Variants in ITGA1 observed in about 807,000 individuals in gnomAD.
The protein encoded by ITGA1 is integrin alpha-1.
ITGA1 carries 85 observed loss-of-function variants against 145.9 expected under a neutral mutation model. The observed-to-expected ratio is 0.58, with a 90% CI of 0.49 to 0.70. The LOEUF is 0.70. Among genes scored for constraint, ITGA1 ranks in the 30% least tolerant of loss-of-function variants. The pLI is 0.00. For synonymous variants in ITGA1, 520 were observed against 495.3 expected, an observed-to-expected ratio of 1.05 and a Z score of -0.66; for missense variants, 1,351 against 1,418.7, an observed-to-expected ratio of 0.95 and a Z score of 0.77.
chr5:52,791,210 G>A (rs781552973), intron 1 of ITGA1, among the ~76,000 whole-genome samples: 4 of 152,148 alleles, frequency 2.6e-5, no homozygotes, highest in Admixed American at 6.5e-5. Context: ...TTTAACTGAA[G>A]ACAGTTTCAT....
intron 1 of ITGA1, among the ~76,000 whole-genome samples, chr5:52,822,168 G>A (rs1361539179): frequency 2.0e-5 from 3 of 152,142 alleles, no homozygotes; most frequent in Non-Finnish European, 4.4e-5. Context: ...GTGTTCATAT[G>A]TGGAATTTTA....
chr5:52,838,224 C>T (rs1315654793), intron 1 of ITGA1, among the ~76,000 whole-genome samples: 2 of 152,086 alleles, frequency 1.3e-5, no homozygotes, highest in Non-Finnish European at 2.9e-5. Flanking sequence ...AGAAATTATA[C>T]AGAATCATTT....
intron 1 of ITGA1, among the ~76,000 whole-genome samples, chr5:52,794,747 C>G (rs1330571802): frequency 6.6e-6 from 1 of 151,838 alleles, no homozygotes; most frequent in African/African-American, 2.4e-5. Flanking sequence ...ATCCACTTAG[C>G]TTTGCTGGTG....
At chr5:52,855,441 C>G (rs1314365986) in intron 2 of ITGA1, among the ~76,000 whole-genome samples, 1 of 152,104 alleles carries the variant, frequency 6.6e-6, no homozygotes, top group African/African-American at 2.4e-5. Context: ...TTGACACAGT[C>G]GTTAATTCAT....
At chr5:52,800,490 C>T (rs1580027827) in intron 1 of ITGA1, 29 of 1,614,084 alleles carry the variant, frequency 1.8e-5, no homozygotes, top group Non-Finnish European at 2.5e-5. Context: ...CTTACAACCT[C>T]GTGCAGGTGG....
rs765668332 is a variant in ITGA1 at position 52,937,374 on chromosome 5, G to T, written c.2965-27G>T. On this transcript the variant is annotated intron_variant, in intron 23 of 28. Coordinates refer to ENST00000282588, the MANE Select transcript of ITGA1 (RefSeq NM_181501.2). Reference sequence around the variant, plus strand: ...AGAATTCTATTAAAAGAGGAAGAAAGATTACATTTCCATTTTTTTCTTGTA... The same window carrying T: ...AGAATTCTATTAAAAGAGGAAGAAATATTACATTTCCATTTTTTTCTTGTA... 6.4e-6 allele frequency: 9 copies of T among 1,404,690 alleles called. No individual in the cohort carries two copies. The Admixed American group carries it at 1.0e-4, about 16-fold the overall frequency. 87.0% of individuals were successfully genotyped at this position (1,404,690 alleles called of 1,614,324 possible).
intron 1 of ITGA1, among the ~76,000 whole-genome samples, chr5:52,832,387 G>A (rs1244219196): frequency 6.6e-6 from 1 of 152,274 alleles, no homozygotes; most frequent in Non-Finnish European, 1.5e-5. Context: ...AAACATTGCA[G>A]CATCTTCAGA....
intron 23 of ITGA1, among the ~76,000 whole-genome samples, chr5:52,936,359 G>A (rs1750964899): frequency 6.6e-6 from 1 of 152,170 alleles, no homozygotes; most frequent in African/African-American, 2.4e-5. Context: ...CATGTTTAAG[G>A]GTCCAGGTGC....
Position 52,917,841 on chromosome 5 carries a change from T to A in ITGA1, c.1989-891T>A, listed in dbSNP as rs182917626. 3.3e-5 allele frequency among the ~76,000 whole-genome samples: 5 copies of A among 152,332 alleles called. No individual in the cohort carries two copies. In the East Asian group the frequency reaches 7.7e-4, roughly 23 times the overall value. ...TTATGCATTTCTATGATGTTTATAT[T>A]TTCTATGAGTCCATTGTTTTAACAG... On this transcript the variant is annotated intron_variant, in intron 15 of 28. Coordinates refer to ENST00000282588, the MANE Select transcript of ITGA1 (RefSeq NM_181501.2).
At chr5:52,899,817 C>T (rs1750286051) in intron 11 of ITGA1, among the ~76,000 whole-genome samples, 1 of 152,124 alleles carries the variant, frequency 6.6e-6, no homozygotes, top group South Asian at 2.1e-4. Context: ...TCCTATGGAG[C>T]ATGTAGTCTT....
At chr5:52,857,057 G>A (rs1462716990) in intron 2 of ITGA1, among the ~76,000 whole-genome samples, 4 of 152,080 alleles carry the variant, frequency 2.6e-5, no homozygotes, top group Admixed American at 1.3e-4. Context: ...AATCTGCAAA[G>A]GCCTTTTAAG....
chr5:52,940,533 C>G (rs974399214), intron 26 of ITGA1, among the ~76,000 whole-genome samples: 2 of 151,634 alleles, frequency 1.3e-5, no homozygotes, highest in Non-Finnish European at 2.9e-5. Context: ...CTCAGCCTCC[C>G]GAGTAGCTGG....
chr5:52,797,315 TA>T (rs1561210358), intron 1 of ITGA1, among the ~76,000 whole-genome samples: 1 of 151,762 alleles, frequency 6.6e-6, no homozygotes, highest in Non-Finnish European at 1.5e-5. Context: ...CCTCATAACT[TA>T]AAAAAAAATT....
chr5:52,939,084 G>A (rs1751014665), intron 24 of ITGA1, among the ~76,000 whole-genome samples: 1 of 151,980 alleles, frequency 6.6e-6, no homozygotes, highest in Non-Finnish European at 1.5e-5. Context: ...TGTATTTCTA[G>A]TAGAGATGGG....
intron 1 of ITGA1, among the ~76,000 whole-genome samples, chr5:52,829,440 G>T (rs1749022396): frequency 6.6e-6 from 1 of 152,028 alleles, no homozygotes. Flanking sequence ...GGTAGTCTAG[G>T]TTTCTGAGTC....
At chr5:52,887,756 A>T in intron 7 of ITGA1, 59 bp from the exon 8 acceptor site, 1 of 1,497,042 alleles carries the variant, frequency 6.7e-7, no homozygotes, top group Non-Finnish European at 9.0e-7. Flanking sequence ...TTAGTTTTTT[A>T]CTTTGTCTAT....
At chr5:52,925,879 A>T (rs1198466455) in intron 19 of ITGA1, among the ~76,000 whole-genome samples, 1 of 152,182 alleles carries the variant, frequency 6.6e-6, no homozygotes, top group Non-Finnish European at 1.5e-5. Flanking sequence ...AAGATACCAT[A>T]TCTCCCTTTC....
intron 1 of ITGA1, among the ~76,000 whole-genome samples, chr5:52,815,324 T>C (rs1184989782): frequency 6.6e-6 from 1 of 152,146 alleles, no homozygotes; most frequent in Non-Finnish European, 1.5e-5. Context: ...GAGCCTGGGA[T>C]GGGGGAAAAC....
At chr5:52,827,834 A>C (rs1200260235) in intron 1 of ITGA1, among the ~76,000 whole-genome samples, 1 of 152,222 alleles carries the variant, frequency 6.6e-6, no homozygotes, top group Non-Finnish European at 1.5e-5. Flanking sequence ...GTTTTTGTAG[A>C]AATAATGCTT....
Sources: gnomAD v4.1 joint callset for allele counts (sites outside exome capture counted in the v4.1 genomes callset) on GRCh38, gnomAD v4.1.1 for gene constraint, MANE v1.5 for transcripts, NCBI Gene and HGNC (gene_info 2026-07-23, HGNC 2026-07-21) for gene names.